Variants in IRF1 observed in about 807,000 individuals in gnomAD.
The protein encoded by IRF1 is interferon regulatory factor 1, also known as interferon regulatory factor-1.
Under a neutral mutation model 43.7 loss-of-function variants are expected in IRF1, and 13 were observed. The observed-to-expected ratio is 0.30, with a 90% CI of 0.19 to 0.47. The LOEUF is 0.47. IRF1 is among the 20% of genes least tolerant of loss of function. The pLI is 0.99. For missense variants in IRF1, 236 were observed against 408.9 expected (o/e 0.58, Z 3.65); for synonymous variants, 138 against 146.8 (o/e 0.94, Z 0.43).
In IRF1 at chr5:132,490,317, C is replaced by CGCCGGCAGCCTCGTCCGGGT. The variant is rs1164019171; in HGVS notation, c.-6+208_-6+227dup. The CGCCGGCAGCCTCGTCCGGGT allele has an allele frequency of 6.6e-6, 1 of 151,032 alleles. No individual in the cohort carries two copies. The highest frequency in any genetic ancestry group is 1.5e-5 in the Non-Finnish European group (1 of 67,624). The allele number at this position is 151,032 out of a possible 1,614,324, so 9.4% of individuals were successfully genotyped here. The stretch of plus-strand genomic sequence containing the variant: ...ACGCAGATCTGCGAAAGCTGCCGGG[C>CGCCGGCAGCCTCGTCCGGGT]GCCGGCAGCCTCGTCCGGGTGGGCG... On this transcript the variant is annotated intron_variant, in intron 1 of 9. Transcript: ENST00000245414. This position sits in a 1 kb window ranked among gnomAD's most constrained non-coding sequence, Gnocchi z 5.8.
At chr5:132,485,512 C>T in intron 8 of IRF1, 155 bp downstream of exon 8, 1 of 733,088 alleles carries the variant, frequency 1.4e-6, no homozygotes, top group Non-Finnish European at 2.5e-6. Context: ...GGCTTTCCCA[C>T]CAGTCAAGCC....
chr5:132,485,847 A>T, intron 7 of IRF1, 131 bp from the exon 8 acceptor site: 2 of 675,382 alleles, frequency 3.0e-6, no homozygotes, highest in Non-Finnish European at 2.6e-6. Context: ...ACACACACAC[A>T]CACCCTCCCG....
intron 9 of IRF1, 23 bp downstream of exon 9, chr5:132,484,339 A>G (rs1393503266): frequency 6.2e-6 from 10 of 1,613,082 alleles, no homozygotes; most frequent in Admixed American, 1.7e-5. Context: ...CTAAGAAGCC[A>G]TAAGGATCCA....
intron 2 of IRF1, chr5:132,488,374 GAAGT>G (rs1754601095): frequency 4.2e-6 from 1 of 235,360 alleles, no homozygotes; most frequent in Admixed American, 5.1e-5. Context: ...CACCCACATG[GAAGT>G]AAGAACTTCT....
chr5:132,485,724 T>C lies in IRF1; in HGVS notation c.668-8A>G. 1.2e-6 allele frequency: 2 copies of C among 1,611,490 alleles called. No homozygotes were observed. The highest frequency in any genetic ancestry group is 2.2e-5 in the South Asian group (2 of 91,002). On this transcript the variant is annotated splice_polypyrimidine_tract_variant and splice_region_variant and intron_variant, in intron 7 of 9. Transcript: ENST00000245414. Reference sequence around the variant, plus strand: ...CATCCTCATCTGTTGTAGCTGTGGATGGGGAAAGCAGAGAGGTTGGCTGGC... The same window carrying C: ...CATCCTCATCTGTTGTAGCTGTGGACGGGGAAAGCAGAGAGGTTGGCTGGC...
Position 132,486,606 on chromosome 5 carries a change from T to C in IRF1, c.495A>G (p.Thr165=), listed in dbSNP as rs770287749. The change falls in exon 6 of 10, where the codon ACA becomes ACG. Residue 165 remains threonine (T), a synonymous_variant. Transcript: ENST00000245414. ...CCAAGTCCTGCATGTAGCCTGGAACTGTGTAGCTGCTGTGGTCATCAGGCA... is the reference window on the plus strand; with the variant it reads ...CCAAGTCCTGCATGTAGCCTGGAACCGTGTAGCTGCTGTGGTCATCAGGCA... ...STLPDDHSSY[T]VPGYMQDLEV... The C allele has an allele frequency of 6.2e-7, 1 of 1,614,182 alleles. No homozygotes were observed. Among genetic ancestry groups the C allele is most frequent in the Non-Finnish European group, 8.5e-7 (1 of 1,180,024 alleles).
At chr5:132,484,979 C>G (rs1166676152) in intron 8 of IRF1, 5 of 156,056 alleles carry the variant, frequency 3.2e-5, no homozygotes, top group Admixed American at 2.5e-4. Flanking sequence ...ATGACACAAT[C>G]TCAGCTCACT....
rs760252123 is a variant in IRF1 at position 132,484,402 on chromosome 5, G to T, written c.813C>A (p.Asp271Glu). 1 of 1,614,030 alleles carries T rather than the reference G, an allele frequency of 6.2e-7. No homozygotes were observed. The highest frequency in any genetic ancestry group is 1.3e-5 in the African/African-American group (1 of 74,912). The change falls in exon 9 of 10, where the codon GAC becomes GAA. Residue 271 changes from aspartate (D) to glutamate (E), a missense_variant. Coordinates refer to ENST00000245414, the MANE Select transcript of IRF1 (RefSeq NM_002198.3). ...PGVQPTSVYG[D>E]FSCKEEPEID... ...TTTCTGGCTCCTCCTTACAGCTAAAGTCTCCATAGACAGAGGTGGGCTGGA... is the reference window on the plus strand; with the variant it reads ...TTTCTGGCTCCTCCTTACAGCTAAATTCTCCATAGACAGAGGTGGGCTGGA...
Position 132,485,849 on chromosome 5 carries a change from A to ACACACACACACACACACACAC in IRF1, c.668-134_668-133insGTGTGTGTGTGTGTGTGTGTG, listed in dbSNP as rs111906639. ...CTCTGACACACACACACACACACACACCCTCCCGGTGGACCTATCTGCCAT... is the reference window on the plus strand; with the variant it reads ...CTCTGACACACACACACACACACACACACACACACACACACACACACCCCTCCCGGTGGACCTATCTGCCAT... On this transcript the variant is annotated intron_variant, in intron 7 of 9. Transcript: ENST00000245414. The ACACACACACACACACACACAC allele has an allele frequency of 4.1e-3, 2,769 of 669,608 alleles. 26 individuals carry two copies. The highest frequency in any genetic ancestry group is 0.025 in the African/African-American group (1,392 of 54,596). The allele number at this position is 669,608 out of a possible 1,614,324, so 41.5% of individuals were successfully genotyped here. A position where few individuals can be genotyped will look rare whatever the true frequency, so the allele number is the denominator to read the frequency against.
In IRF1 at chr5:132,481,731, C is replaced by T. The variant is rs1352106214; in HGVS notation, c.*2220G>A. The T allele has an allele frequency of 3.3e-5, 5 of 152,268 alleles. No homozygotes were observed. The highest frequency in any genetic ancestry group is 1.9e-4 in the East Asian group (1 of 5,208). The allele number at this position is 152,268 out of a possible 1,614,324, so 9.4% of individuals were successfully genotyped here. A position where few individuals can be genotyped will look rare whatever the true frequency, so the allele number is the denominator to read the frequency against. Reference sequence around the variant, plus strand: ...CCAGTGCCTACTGTATTGAACGGTACAGACAGAGCATTTCATCACTCTAGA... The same window carrying T: ...CCAGTGCCTACTGTATTGAACGGTATAGACAGAGCATTTCATCACTCTAGA... On this transcript the variant is annotated 3_prime_UTR_variant, in exon 10 of 10. Transcript: ENST00000245414.
In IRF1 at chr5:132,486,380, A is replaced by G. The variant is rs2070724; in HGVS notation, c.545-7T>C. On this transcript the variant is annotated splice_polypyrimidine_tract_variant and splice_region_variant and intron_variant, in intron 6 of 9. Coordinates refer to ENST00000245414, the MANE Select transcript of IRF1 (RefSeq NM_002198.3). ...ACAGCACATGGCGACAGTGCTGGGGAACAGCAGAAGCCACAGGTCAAGGTT... is the reference window on the plus strand; with the variant it reads ...ACAGCACATGGCGACAGTGCTGGGGGACAGCAGAAGCCACAGGTCAAGGTT... 555,326 of 1,610,364 alleles carry G rather than the reference A, an allele frequency of 0.34. 97,385 individuals are homozygous for G. Among genetic ancestry groups the G allele is most frequent in the African/African-American group, 0.49 (36,631 of 74,908 alleles).
intron 8 of IRF1, chr5:132,484,705 C>G: frequency 1.7e-6 from 1 of 581,932 alleles, no homozygotes; most frequent in Non-Finnish European, 3.0e-6. Flanking sequence ...GTCCTCAATT[C>G]ATTTTCCCAC....
Position 132,490,675 on chromosome 5 carries a change from G to C in IRF1, c.-136C>G, listed in dbSNP as rs911997157. 6 of 152,220 alleles carry C rather than the reference G, an allele frequency of 3.9e-5. No homozygotes were observed. Among genetic ancestry groups the C allele is most frequent in the Non-Finnish European group, 7.3e-5 (5 of 68,046 alleles). The allele number at this position is 152,220 out of a possible 1,614,324, so 9.4% of individuals were successfully genotyped here. On this transcript the variant is annotated 5_prime_UTR_variant, in exon 1 of 10. Coordinates refer to ENST00000245414, the MANE Select transcript of IRF1 (RefSeq NM_002198.3). The surrounding 1 kb of genome is among the most constrained non-coding windows in gnomAD (Gnocchi z 5.8). Reference sequence around the variant, plus strand: ...CAGAGGTTGCCGGGTTCTTAAGGCCGCCGGGCACGGCCGGCGTGGACTGGG... The same window carrying C: ...CAGAGGTTGCCGGGTTCTTAAGGCCCCCGGGCACGGCCGGCGTGGACTGGG...
At chr5:132,487,217 C>T (rs1005792949) in intron 3 of IRF1, 87 bp from the exon 4 acceptor site, 2 of 1,328,578 alleles carry the variant, frequency 1.5e-6, no homozygotes, top group African/African-American at 2.9e-5. Flanking sequence ...AGGCAAGGTA[C>T]CCCTGACCTC....
rs193125478 is a variant in IRF1, at chr5:132,484,313, C to T, written c.853+49G>A. The stretch of plus-strand genomic sequence containing the variant: ...TGCCCCCAAGCTTTCTCCATCCCTA[C>T]GTGGTTCTCCCTCATCTAAGAAGCC... On this transcript the variant is annotated intron_variant, in intron 9 of 9. Transcript: ENST00000245414. The T allele has an allele frequency of 7.8e-5, 125 of 1,605,978 alleles. No homozygotes were observed. The African/African-American group carries it at 7.9e-4, about 10-fold the overall frequency.
rs1407279659 is a variant in IRF1 at position 132,481,918 on chromosome 5, C to G, written c.*2033G>C. 1 of 152,396 alleles carries G rather than the reference C, an allele frequency of 6.6e-6. No homozygotes were observed. Among genetic ancestry groups the G allele is most frequent in the Admixed American group, 6.5e-5 (1 of 15,286 alleles). 9.4% of individuals were successfully genotyped at this position (152,396 alleles called of 1,614,324 possible). A position where few individuals can be genotyped will look rare whatever the true frequency, so the allele number is the denominator to read the frequency against. ...GGCACATGCCTCAAAACTTAACACT[C>G]CTTGGGCCCCAGGAGCCCAGAATCA... On this transcript the variant is annotated 3_prime_UTR_variant, in exon 10 of 10. Transcript: ENST00000245414.
At chr5:132,486,114 A>G (rs1754518770) in intron 7 of IRF1, 137 bp downstream of exon 7, 1 of 1,210,628 alleles carries the variant, frequency 8.3e-7, no homozygotes, top group Non-Finnish European at 1.2e-6. Context: ...GCCTCCCCCT[A>G]TGGTGGCTAA....
At chr5:132,486,446 C>G (rs1259365466) in intron 6 of IRF1, 73 bp from the exon 7 acceptor site, 1 of 1,610,196 alleles carries the variant, frequency 6.2e-7, no homozygotes, top group South Asian at 1.1e-5. Context: ...CGCCCTCCGA[C>G]CAACCCTGCA....
chr5:132,484,006 C>G lies in IRF1; in HGVS notation c.923G>C (p.Ser308Thr). 6.2e-7 allele frequency: 1 copy of G among 1,614,018 alleles called. No homozygotes were observed. The highest frequency in any genetic ancestry group is 1.7e-4 in the Middle Eastern group (1 of 5,998). ...GGGCAACCGGACTGGGGTCAGCAGG[C>G]TGTCCAGCCAGGTGGCATCCATGTT... ...LKNMDATWLD[S>T]LLTPVRLPSI... Residue 308 changes from serine (S) to threonine (T), a missense_variant, in exon 10 of 10, where the codon AGC (serine) becomes ACC (threonine). Ser to Thr is a moderately conservative substitution (Grantham distance 58). Coordinates refer to ENST00000245414, the MANE Select transcript of IRF1 (RefSeq NM_002198.3).
Sources: allele counts gnomAD v4.1 joint callset, GRCh38; gene constraint gnomAD v4.1.1; non-coding constraint Gnocchi (gnomAD v3.1); transcripts MANE v1.5; gene names NCBI Gene and HGNC (gene_info 2026-07-23, HGNC 2026-07-21).